Variants in HDAC4 observed in about 807,000 individuals in gnomAD.
The protein encoded by HDAC4 is histone deacetylase A.
In HDAC4, 16 loss-of-function variants were observed where a neutral mutation model predicts 135.1. That is an observed-to-expected ratio of 0.12 (90% CI 0.08 to 0.18). The LOEUF (loss-of-function observed/expected upper bound fraction) is 0.18, where lower values mean the gene tolerates loss of function less well. Ranked by LOEUF, HDAC4 falls within the 10% of genes least tolerant of loss-of-function variation. The pLI is 1.00. For synonymous variants in HDAC4, 685 were observed against 653.4 expected, an observed-to-expected ratio of 1.05 and a Z score of -0.74; for missense variants, 1,143 against 1,511.8, an observed-to-expected ratio of 0.76 and a Z score of 4.05.
intron 2 of HDAC4, among the ~76,000 whole-genome samples, chr2:239,316,000 C>A (rs1326339828): frequency 2.0e-5 from 3 of 152,112 alleles, no homozygotes; most frequent in African/African-American, 7.2e-5. Flanking sequence ...AAGACAAAGG[C>A]CAAAATCTCT....
intron 7 of HDAC4, among the ~76,000 whole-genome samples, chr2:239,147,605 C>G (rs2041849667): frequency 6.6e-6 from 1 of 152,246 alleles, no homozygotes; most frequent in East Asian, 1.9e-4. Context: ...AAACTGGATC[C>G]CACCCCTAAG....
chr2:239,354,621 C>T (rs1015677804), intron 1 of HDAC4, among the ~76,000 whole-genome samples: 13 of 129,186 alleles, frequency 1.0e-4, no homozygotes, highest in Admixed American at 2.7e-4. Context: ...GAACTCTAAC[C>T]AGTTCATCAT....
chr2:239,355,500 T>A (rs1693430466), intron 1 of HDAC4, among the ~76,000 whole-genome samples: 1 of 152,242 alleles, frequency 6.6e-6, no homozygotes, highest in African/African-American at 2.4e-5. Flanking sequence ...CATCTCATCA[T>A]CTTCTCACTC....
At chr2:239,076,255 G>A (rs1024958530) in intron 22 of HDAC4, among the ~76,000 whole-genome samples, 4 of 152,156 alleles carry the variant, frequency 2.6e-5, no homozygotes, top group Admixed American at 6.5e-5. Context: ...GAGCTGGACC[G>A]GGACAGCAGG....
At chr2:239,180,499 G>A (rs1276921349) in intron 4 of HDAC4, among the ~76,000 whole-genome samples, 2 of 152,106 alleles carry the variant, frequency 1.3e-5, no homozygotes, top group Non-Finnish European at 2.9e-5. Flanking sequence ...CACCCCGCAT[G>A]TCTGTGACCT....
chr2:239,371,936 T>C (rs1694652079), intron 1 of HDAC4, among the ~76,000 whole-genome samples: 2 of 152,152 alleles, frequency 1.3e-5, no homozygotes, highest in African/African-American at 4.8e-5. Flanking sequence ...CCATCAGAGA[T>C]TTCAACAATG....
intron 1 of HDAC4, among the ~76,000 whole-genome samples, chr2:239,372,215 C>T (rs998263832): frequency 6.6e-6 from 1 of 152,120 alleles, no homozygotes; most frequent in Admixed American, 6.5e-5. Context: ...ACCCACTGCC[C>T]GAGGCAGCAG....
intron 1 of HDAC4, among the ~76,000 whole-genome samples, chr2:239,374,251 A>G (rs1232474408): frequency 2.0e-5 from 3 of 152,204 alleles, no homozygotes; most frequent in Non-Finnish European, 4.4e-5. Context: ...CCAGTAGCCA[A>G]AATGGCATTC....
At chr2:239,380,829 C>T (rs1029365344) in intron 1 of HDAC4, among the ~76,000 whole-genome samples, 16 of 152,172 alleles carry the variant, frequency 1.1e-4, no homozygotes, top group African/African-American at 3.9e-4. Context: ...TTGCTGCTGC[C>T]TACCGATCTC....
chr2:239,373,420 T>C (rs62182931), intron 1 of HDAC4, among the ~76,000 whole-genome samples: 7,213 of 152,302 alleles, frequency 0.047, 241 homozygotes, highest in Non-Finnish European at 0.076. Context: ...ATGTTGGTCT[T>C]TCTCTCCAGT....
At position 239,303,762 on chromosome 2, in the gene HDAC4, G is replaced by A. The variant is rs560182750; in HGVS notation, c.22+48916C>T. On this transcript the variant is annotated intron_variant, in intron 2 of 26. Transcript: ENST00000543185. The surrounding 1 kb of genome is among the most constrained non-coding windows in gnomAD (Gnocchi z 5.1). ...GCCTCACCCCTCACTCTTCAAAAGCGACTGCGACAGCTGCATCCCCCGTGC... is the reference window on the plus strand; with the variant it reads ...GCCTCACCCCTCACTCTTCAAAAGCAACTGCGACAGCTGCATCCCCCGTGC... Among the ~76,000 whole-genome samples the A allele has an allele frequency of 2.0e-5, 3 of 152,116 alleles. No individual in the cohort carries two copies. The highest frequency in any genetic ancestry group is 2.1e-4 in the South Asian group (1 of 4,824).
intron 2 of HDAC4, among the ~76,000 whole-genome samples, chr2:239,300,583 GA>G (rs113086649): frequency 5.1e-4 from 74 of 146,044 alleles, no homozygotes; most frequent in South Asian, 1.1e-3. Context: ...AAATGAGCAG[GA>G]AAAAAAAAAA....
At chr2:239,151,030 C>A (rs898765154) in intron 7 of HDAC4, among the ~76,000 whole-genome samples, 21 of 152,252 alleles carry the variant, frequency 1.4e-4, no homozygotes, top group Non-Finnish European at 2.4e-4. Flanking sequence ...TTTCTGCAAA[C>A]TGCATTAGAA....
intron 2 of HDAC4, among the ~76,000 whole-genome samples, chr2:239,328,355 G>A (rs779708617): frequency 2.6e-5 from 4 of 152,328 alleles, no homozygotes; most frequent in African/African-American, 4.8e-5. Flanking sequence ...GATCTCAAAC[G>A]CTGCTGAAAA....
At chr2:239,359,637 C>T (rs1235592542) in intron 1 of HDAC4, among the ~76,000 whole-genome samples, 1 of 152,200 alleles carries the variant, frequency 6.6e-6, no homozygotes, top group Admixed American at 6.5e-5. Flanking sequence ...CACTCGGTCA[C>T]ATACTCAGCC....
At chr2:239,199,897 C>T (rs1046914519) in intron 3 of HDAC4, among the ~76,000 whole-genome samples, 2 of 152,176 alleles carry the variant, frequency 1.3e-5, no homozygotes, top group African/African-American at 4.8e-5. Flanking sequence ...CCACCACACC[C>T]GGCTAATTTT....
chr2:239,087,376 T>C (rs1250564765), intron 19 of HDAC4, among the ~76,000 whole-genome samples, 183 bp downstream of exon 19: 1 of 152,202 alleles, frequency 6.6e-6, no homozygotes, highest in Non-Finnish European at 1.5e-5. Context: ...GCAGTGATGC[T>C]CGCAGACTTT....
Position 239,207,948 on chromosome 2 carries a change from CAAAT to C in HDAC4, c.95-17875_95-17872del, listed in dbSNP as rs773106938. 4.6e-5 allele frequency among the ~76,000 whole-genome samples: 7 copies of C among 152,238 alleles called. No homozygotes were observed. The East Asian group carries it at 1.2e-3, about 25-fold the overall frequency. On this transcript the variant is annotated intron_variant, in intron 3 of 26. Coordinates refer to ENST00000543185, the MANE Select transcript of HDAC4 (RefSeq NM_001378414.1). ...GTCATAAATACAGTCACAAAAATCT[CAAAT>C]AAACTATGAGCAAGCTTAATCTAAT... is the stretch of plus-strand genomic sequence containing the variant.
intron 22 of HDAC4, among the ~76,000 whole-genome samples, chr2:239,078,726 C>G (rs368602547): frequency 6.6e-6 from 1 of 152,190 alleles, no homozygotes; most frequent in African/African-American, 2.4e-5. Context: ...GTGACCCTGA[C>G]GGCAGACGCC....
Sources: gnomAD v4.1 joint callset for allele counts (sites outside exome capture counted in the v4.1 genomes callset) on GRCh38, gnomAD v4.1.1 for gene constraint, Gnocchi (gnomAD v3.1) non-coding constraint, MANE v1.5 for transcripts, NCBI Gene and HGNC (gene_info 2026-07-23, HGNC 2026-07-21) for gene names.